Variants in ZNF385D observed in about 807,000 individuals in gnomAD.
The protein encoded by ZNF385D is zinc finger protein 659.
In ZNF385D, 15 loss-of-function variants were observed where a neutral mutation model predicts 35.8. That is an observed-to-expected ratio of 0.42 (90% CI 0.28 to 0.64). ZNF385D has a LOEUF of 0.64. ZNF385D is among the 30% of genes least tolerant of loss of function. The pLI is 0.23. For missense variants in ZNF385D, 474 were observed against 494.6 expected (o/e 0.96, Z 0.39); for synonymous variants, 212 against 186.8 (o/e 1.13, Z -1.10).
chr3:22,229,588 G>A (rs1698761544), intron 2 of ZNF385D, among the ~76,000 whole-genome samples: 1 of 152,150 alleles, frequency 6.6e-6, no homozygotes. Flanking sequence ...CCTGAAGTTA[G>A]AAGTTATTTC....
At chr3:22,021,327 T>TG (rs1697214184) in intron 3 of ZNF385D, among the ~76,000 whole-genome samples, 1 of 151,938 alleles carries the variant, frequency 6.6e-6, no homozygotes, top group South Asian at 2.1e-4. Context: ...TCAAAGCTTG[T>TG]GGGGGAGTCA....
rs540495779 is a variant in ZNF385D at position 21,916,421 on chromosome 3, C to A, written c.326-251393G>T. Among the ~76,000 whole-genome samples, 86 of 152,032 alleles carry A rather than the reference C, an allele frequency of 5.7e-4. 1 individual carries two copies. The highest frequency in any genetic ancestry group is 3.4e-3 in the Middle Eastern group (1 of 294). On this transcript the variant is annotated intron_variant, in intron 3 of 5. Transcript: ENST00000494108. The stretch of plus-strand genomic sequence containing the variant: ...TTACTGATTCTAATGCATATTTTAA[C>A]TTTTACACTTATGTCTAAAATATAA...
rs1401732217 is a variant in ZNF385D, at chr3:22,263,475, T to C, written c.107-94440A>G. On this transcript the variant is annotated intron_variant, in intron 2 of 5. Transcript: ENST00000494108. The stretch of plus-strand genomic sequence containing the variant: ...TATTCCACCTGAAATAGTGCTCTGC[T>C]TCCTTGATTGCTTTCTTAAGTTGTA... Among the ~76,000 whole-genome samples, 5 of 152,080 alleles carry C rather than the reference T, an allele frequency of 3.3e-5. 1 individual carries two copies. Among genetic ancestry groups the C allele is most frequent in the Admixed American group, 3.3e-4 (5 of 15,238 alleles).
At chr3:21,501,519 G>A (rs1706365839) in intron 4 of ZNF385D, among the ~76,000 whole-genome samples, 1 of 152,166 alleles carries the variant, frequency 6.6e-6, no homozygotes, top group Admixed American at 6.5e-5. Context: ...TGTACTATTT[G>A]CATGTTTTGT....
intron 3 of ZNF385D, among the ~76,000 whole-genome samples, chr3:21,875,245 C>CT (rs989064720): frequency 1.3e-4 from 19 of 140,852 alleles, no homozygotes; most frequent in East Asian, 5.9e-4. Flanking sequence ...CTTTTTATTT[C>CT]TTTTTTTTAA....
chr3:21,599,690 T>C (rs957262375), intron 2 of ZNF385D, among the ~76,000 whole-genome samples: 12 of 152,092 alleles, frequency 7.9e-5, no homozygotes, highest in African/African-American at 2.9e-4. Context: ...TGAAAGAAAA[T>C]AGAATAGTCT....
chr3:22,214,001 G>A (rs1406116747), intron 2 of ZNF385D, among the ~76,000 whole-genome samples: 2 of 152,004 alleles, frequency 1.3e-5, no homozygotes, highest in African/African-American at 4.8e-5. Flanking sequence ...TTTGCCATAG[G>A]TTGGACAGTT....
chr3:21,749,141 C>T (rs1047843470), intron 1 of ZNF385D, among the ~76,000 whole-genome samples: 1 of 152,190 alleles, frequency 6.6e-6, no homozygotes, highest in Non-Finnish European at 1.5e-5. Flanking sequence ...AGAGTTTCAT[C>T]TAAAGTAAGT....
rs188248690 is a variant in ZNF385D at position 22,092,275 on chromosome 3, T to C, written c.325+76542A>G. ...TTAGTAGAAGCTACTAAGGGGGAAA[T>C]TGAAGGATGAATGGGTTTCTCTCCC... On this transcript the variant is annotated intron_variant, in intron 3 of 5. Transcript: ENST00000494108. Among the ~76,000 whole-genome samples, 63 of 152,254 alleles carry C rather than the reference T, an allele frequency of 4.1e-4. 1 individual carries two copies. Among genetic ancestry groups the C allele is most frequent in the East Asian group, 3.3e-3 (17 of 5,158 alleles).
chr3:22,199,765 C>G (rs746102201), intron 2 of ZNF385D, among the ~76,000 whole-genome samples: 1 of 151,876 alleles, frequency 6.6e-6, no homozygotes, highest in South Asian at 2.1e-4. Flanking sequence ...AACTGTAAGG[C>G]CAAAAACTGA....
intron 3 of ZNF385D, among the ~76,000 whole-genome samples, chr3:22,154,215 C>T (rs1414013672): frequency 6.6e-6 from 1 of 152,146 alleles, no homozygotes; most frequent in Non-Finnish European, 1.5e-5. Context: ...AGGCCTGCCA[C>T]TACAATTGAA....
intron 3 of ZNF385D, among the ~76,000 whole-genome samples, chr3:22,030,256 CATATATATATATATAT>C (rs71044967): frequency 0.01 from 226 of 21,732 alleles, 21 homozygotes; most frequent in African/African-American, 0.027. Flanking sequence ...TAAACTCATT[CATATATATATATATAT>C]ATATATATAT....
chr3:21,631,090 T>C (rs1397981377), intron 2 of ZNF385D, among the ~76,000 whole-genome samples: 2 of 151,992 alleles, frequency 1.3e-5, no homozygotes, highest in Non-Finnish European at 2.9e-5. Context: ...AACATTACCC[T>C]GTGTGGGCCT....
chr3:22,125,884 T>G (rs976644294), intron 3 of ZNF385D, among the ~76,000 whole-genome samples: 2 of 152,136 alleles, frequency 1.3e-5, no homozygotes, highest in African/African-American at 4.8e-5. Flanking sequence ...ACTTCTTCGT[T>G]TACAACCTGG....
chr3:21,751,215 G>T, upstream of ZNF385D: 1 of 1,307,138 alleles, frequency 7.7e-7, no homozygotes, highest in East Asian at 3.5e-5. Flanking sequence ...AGGACTGAGA[G>T]TACTACAAGC....
At chr3:21,582,230 C>G (rs1008457871) in intron 2 of ZNF385D, among the ~76,000 whole-genome samples, 1 of 152,092 alleles carries the variant, frequency 6.6e-6, no homozygotes, top group Non-Finnish European at 1.5e-5. Flanking sequence ...CTTCTGAACT[C>G]AATCTATAAA....
chr3:22,334,861 C>G (rs1247885758), intron 2 of ZNF385D, among the ~76,000 whole-genome samples: 1 of 151,626 alleles, frequency 6.6e-6, no homozygotes, highest in Non-Finnish European at 1.5e-5. Flanking sequence ...ATAAATGGAA[C>G]TAATTTCCTG....
intron 2 of ZNF385D, among the ~76,000 whole-genome samples, chr3:22,352,996 A>T (rs561997160): frequency 1.3e-5 from 2 of 152,234 alleles, no homozygotes; most frequent in East Asian, 3.9e-4. Flanking sequence ...TTATGTCACG[A>T]TGTCTTTGTT....
intron 4 of ZNF385D, among the ~76,000 whole-genome samples, chr3:21,480,102 T>A (rs1158567438): frequency 3.1e-5 from 4 of 129,948 alleles, no homozygotes; most frequent in African/African-American, 1.0e-4. Flanking sequence ...ATGTAAGAAT[T>A]TTTTTTTTTT....
Sources: allele counts gnomAD v4.1 joint callset (sites outside exome capture counted in the v4.1 genomes callset), GRCh38; gene constraint gnomAD v4.1.1; transcripts MANE v1.5; gene names NCBI Gene and HGNC (gene_info 2026-07-23, HGNC 2026-07-21).